The following ALK variants were observed in gnomAD, a reference collection of about 807,000 sequenced individuals.
ALK encodes the protein ALK tyrosine kinase receptor.
Under a neutral mutation model 163.1 loss-of-function variants are expected in ALK, and 74 were observed. The ratio of observed to expected loss-of-function variants is 0.45; its 90% CI spans 0.38 to 0.55. The LOEUF is 0.55. Among genes scored for constraint, ALK ranks in the 20% least tolerant of loss-of-function variants. The pLI, the probability that ALK is intolerant of heterozygous loss-of-function variation, is 0.00. For synonymous variants in ALK, 960 were observed against 843.2 expected, an observed-to-expected ratio of 1.14 and a Z score of -2.40; for missense variants, 2,063 against 2,105.3, an observed-to-expected ratio of 0.98 and a Z score of 0.39.
chr2:29,745,110 T>C (rs1680176285), intron 1 of ALK, among the ~76,000 whole-genome samples: 1 of 152,218 alleles, frequency 6.6e-6, no homozygotes, highest in Non-Finnish European at 1.5e-5. Context: ...TGTGCTTTAC[T>C]CTGTGCCTAC....
chr2:29,746,151 C>A (rs1378161054), intron 1 of ALK, among the ~76,000 whole-genome samples: 1 of 152,118 alleles, frequency 6.6e-6, no homozygotes, highest in East Asian at 1.9e-4. Flanking sequence ...TAAGCTAACA[C>A]CACTAGAAAG....
At chr2:29,292,075 A>T (rs1367980654) in intron 9 of ALK, among the ~76,000 whole-genome samples, 1 of 152,248 alleles carries the variant, frequency 6.6e-6, no homozygotes, top group Non-Finnish European at 1.5e-5. Context: ...TTTAGGACAA[A>T]GGATTGCAAA....
At chr2:29,351,476 C>G (rs998490304) in intron 5 of ALK, among the ~76,000 whole-genome samples, 1 of 152,192 alleles carries the variant, frequency 6.6e-6, no homozygotes, top group African/African-American at 2.4e-5. Context: ...GTCCTCTGCT[C>G]AGAGTTCCTG....
At chr2:29,399,654 C>T (rs1350889756) in intron 4 of ALK, among the ~76,000 whole-genome samples, 2 of 152,178 alleles carry the variant, frequency 1.3e-5, no homozygotes, top group East Asian at 1.9e-4. Flanking sequence ...GGCTTGGCCA[C>T]CATGGTGTCT....
At chr2:29,404,782 G>T (rs886553824) in intron 4 of ALK, among the ~76,000 whole-genome samples, 3 of 152,186 alleles carry the variant, frequency 2.0e-5, no homozygotes, top group Non-Finnish European at 2.9e-5. Flanking sequence ...GAAAGTGAGA[G>T]CCCAGTGCAG....
At chr2:29,466,997 C>T (rs1010184607) in intron 4 of ALK, among the ~76,000 whole-genome samples, 1 of 151,992 alleles carries the variant, frequency 6.6e-6, no homozygotes, top group African/African-American at 2.4e-5. Context: ...TGGGAACTGC[C>T]GCATCTCCAG....
chr2:29,693,310 T>C (rs1452838945), intron 3 of ALK, among the ~76,000 whole-genome samples: 1 of 152,120 alleles, frequency 6.6e-6, no homozygotes, highest in Non-Finnish European at 1.5e-5. Flanking sequence ...ATCTCAGATC[T>C]ATTGAATCAG....
chr2:29,758,840 G>A (rs976836687), intron 1 of ALK, among the ~76,000 whole-genome samples: 3 of 152,106 alleles, frequency 2.0e-5, no homozygotes, highest in Admixed American at 2.0e-4. Flanking sequence ...GTAAGACAAA[G>A]CCTGTTCTCC....
intron 1 of ALK, among the ~76,000 whole-genome samples, chr2:29,812,517 A>G (rs1253436190): frequency 6.6e-6 from 1 of 152,116 alleles, no homozygotes; most frequent in African/African-American, 2.4e-5. Flanking sequence ...TGCACCACTC[A>G]CCCTAAGAAT....
intron 3 of ALK, among the ~76,000 whole-genome samples, chr2:29,623,204 G>A (rs185206247): frequency 6.6e-6 from 1 of 152,230 alleles, no homozygotes; most frequent in Admixed American, 6.5e-5. Context: ...CTCCACTTCT[G>A]GGAATCTAGC....
intron 13 of ALK, among the ~76,000 whole-genome samples, chr2:29,236,979 C>T (rs1003283043): frequency 1.3e-5 from 2 of 152,198 alleles, no homozygotes; most frequent in Non-Finnish European, 2.9e-5. Flanking sequence ...TATTGAACTC[C>T]TGATCTTGCC....
intron 3 of ALK, among the ~76,000 whole-genome samples, chr2:29,642,505 C>T (rs936768560): frequency 6.6e-6 from 1 of 152,176 alleles, no homozygotes; most frequent in African/African-American, 2.4e-5. Context: ...GCACTAAAAT[C>T]TCCTGCATAT....
chr2:29,585,581 G>A (rs1255387102), intron 3 of ALK, among the ~76,000 whole-genome samples: 1 of 152,044 alleles, frequency 6.6e-6, no homozygotes, highest in East Asian at 1.9e-4. Flanking sequence ...ACCTGCCTCG[G>A]CCTCCCAAGG....
intron 8 of ALK, among the ~76,000 whole-genome samples, chr2:29,317,689 G>A (rs563494002): frequency 2.0e-5 from 3 of 152,304 alleles, no homozygotes; most frequent in African/African-American, 7.2e-5. Context: ...GGTGGAACCC[G>A]ACTTGGACTC....
At chr2:29,782,068 C>G (rs1364042490) in intron 1 of ALK, among the ~76,000 whole-genome samples, 1 of 152,154 alleles carries the variant, frequency 6.6e-6, no homozygotes, top group African/African-American at 2.4e-5. Context: ...ATCTGCTTAC[C>G]CTATCTCTTC....
intron 1 of ALK, among the ~76,000 whole-genome samples, chr2:29,876,826 T>C (rs1042823038): frequency 6.6e-6 from 1 of 151,940 alleles, no homozygotes; most frequent in African/African-American, 2.4e-5. Flanking sequence ...ATAATGAAGG[T>C]GAAGATGACA....
At chr2:29,625,105 A>G (rs980199446) in intron 3 of ALK, among the ~76,000 whole-genome samples, 1 of 152,190 alleles carries the variant, frequency 6.6e-6, no homozygotes, top group Non-Finnish European at 1.5e-5. Flanking sequence ...TGGCCGTGGA[A>G]TGTGTGTGGG....
chr2:29,209,086 C>T (rs570642365), intron 25 of ALK, among the ~76,000 whole-genome samples: 5 of 151,916 alleles, frequency 3.3e-5, no homozygotes, highest in African/African-American at 9.7e-5. Context: ...CAGATGCCTG[C>T]GGTGTTAGAA....
intron 12 of ALK, among the ~76,000 whole-genome samples, chr2:29,248,631 A>AGCTCC (rs1167174262): frequency 6.6e-6 from 1 of 152,170 alleles, no homozygotes; most frequent in Non-Finnish European, 1.5e-5. Flanking sequence ...TGGGGCCCGG[A>AGCTCC]GCTGGCCTCA....
Sources: gnomAD v4.1 joint callset for allele counts (sites outside exome capture counted in the v4.1 genomes callset) on GRCh38, gnomAD v4.1.1 for gene constraint, MANE v1.5 for transcripts, NCBI Gene and HGNC (gene_info 2026-07-23, HGNC 2026-07-21) for gene names.